The following CCDC85C variants were observed in gnomAD, a reference collection of about 807,000 sequenced individuals.
CCDC85C encodes coiled-coil domain-containing protein 85C.
A neutral mutation model predicts 38.3 loss-of-function variants in CCDC85C; 18 were observed. That is an observed-to-expected ratio of 0.47 (90% confidence interval 0.33 to 0.70). CCDC85C has a LOEUF of 0.70. Ranked by LOEUF, CCDC85C falls within the 30% of genes least tolerant of loss-of-function variation. The pLI is 0.03. For missense variants in CCDC85C, 566 were observed against 621.2 expected (o/e 0.91, Z 0.94); for synonymous variants, 264 against 293.8 (o/e 0.90, Z 1.04).
At position 99,513,590 on chromosome 14, in the gene CCDC85C, G is replaced by A. The variant is rs1382311203; in HGVS notation, c.*1656C>T. The stretch of plus-strand genomic sequence containing the variant: ...GGCAGCAAGAACTGCTCAGAATAGA[G>A]CCGCCAGCTAGGGAGAGGGACAGGG... On this transcript the variant is annotated 3_prime_UTR_variant, in exon 6 of 6. Coordinates refer to ENST00000380243, the MANE Select transcript of CCDC85C (RefSeq NM_001144995.2). 1 of 152,280 alleles carries A rather than the reference G, an allele frequency of 6.6e-6. No individual in the cohort carries two copies. The highest frequency in any genetic ancestry group is 2.4e-5 in the African/African-American group (1 of 41,452). The allele number at this position is 152,280 out of a possible 1,614,324, so 9.4% of individuals were successfully genotyped here. A position where few individuals can be genotyped will look rare whatever the true frequency, so the allele number is the denominator to read the frequency against.
chr14:99,598,242 C>G (rs925154550), intron 1 of CCDC85C, among the ~76,000 whole-genome samples: 1 of 152,228 alleles, frequency 6.6e-6, no homozygotes, highest in African/African-American at 2.4e-5. Context: ...AAACAGAGGC[C>G]CATGGAGGCT....
At chr14:99,574,766 C>T (rs1898436494) in intron 1 of CCDC85C, among the ~76,000 whole-genome samples, 2 of 152,336 alleles carry the variant, frequency 1.3e-5, no homozygotes, top group South Asian at 4.1e-4. Context: ...TGACCACTCA[C>T]AGCTATGACC....
At chr14:99,596,426 C>A (rs1043317657) in intron 1 of CCDC85C, among the ~76,000 whole-genome samples, 2 of 151,984 alleles carry the variant, frequency 1.3e-5, no homozygotes, top group Non-Finnish European at 2.9e-5. Context: ...ATGCTCCACG[C>A]CTCTGTTTGA....
intron 1 of CCDC85C, among the ~76,000 whole-genome samples, chr14:99,551,590 T>G: frequency 1.7e-5 from 2 of 117,802 alleles, no homozygotes; most frequent in African/African-American, 3.4e-5. Context: ...AGCAGGTGGG[T>G]GAGAGGTGAG....
chr14:99,541,273 G>T (rs1037852177), intron 1 of CCDC85C, among the ~76,000 whole-genome samples: 16 of 152,178 alleles, frequency 1.1e-4, no homozygotes, highest in Admixed American at 1.0e-3. Context: ...CCTCAGGAGC[G>T]CTCAGCCATG....
chr14:99,592,172 G>A (rs927490150), intron 1 of CCDC85C, among the ~76,000 whole-genome samples: 1 of 152,232 alleles, frequency 6.6e-6, no homozygotes, highest in Admixed American at 6.5e-5. Context: ...TAGCCCATGC[G>A]AAGGCAGGGT....
chr14:99,601,743 G>A (rs569468541), intron 1 of CCDC85C, among the ~76,000 whole-genome samples: 1 of 152,280 alleles, frequency 6.6e-6, no homozygotes, highest in East Asian at 1.9e-4. Flanking sequence ...GTGGGAGGTG[G>A]GGGTGGATAC....
chr14:99,516,312 G>T lies in CCDC85C; in HGVS notation c.1072-26C>A. On this transcript the variant is annotated intron_variant, in intron 4 of 5. Transcript: ENST00000380243. The surrounding 1 kb of genome is among the most constrained non-coding windows in gnomAD (Gnocchi z 5.5). Reference sequence around the variant, plus strand: ...CTGAAGGGAACGGGTCTCGGGGTCAGGGGCAGAGGCCACCGGCAGACCTCG... The same window carrying T: ...CTGAAGGGAACGGGTCTCGGGGTCATGGGCAGAGGCCACCGGCAGACCTCG... 6.6e-7 allele frequency: 1 copy of T among 1,516,888 alleles called. No homozygotes were observed. Among genetic ancestry groups the T allele is most frequent in the Non-Finnish European group, 9.0e-7 (1 of 1,116,400 alleles). The allele number at this position is 1,516,888 out of a possible 1,614,324, so 94.0% of individuals were successfully genotyped here.
intron 1 of CCDC85C, among the ~76,000 whole-genome samples, chr14:99,568,246 CTTTATTT>C (rs1204055160): frequency 1.7e-5 from 2 of 114,488 alleles, no homozygotes; most frequent in East Asian, 2.6e-4. Context: ...GCCACCTGCC[CTTTATTT>C]TTTTTTTTTT....
chr14:99,536,428 G>A (rs1455299240), intron 1 of CCDC85C, among the ~76,000 whole-genome samples: 2 of 152,164 alleles, frequency 1.3e-5, no homozygotes, highest in African/African-American at 4.8e-5. Flanking sequence ...GGCCTCGCCA[G>A]CCTGCCCTGG....
rs1458204728 is a variant in CCDC85C, at chr14:99,509,250, G to T, written c.*5996C>A. On this transcript the variant is annotated 3_prime_UTR_variant, in exon 6 of 6. Coordinates refer to ENST00000380243, the MANE Select transcript of CCDC85C (RefSeq NM_001144995.2). ...GTTGCTCCTGTGGTCTGTCTCCTGG[G>T]CTGCCTTGGGAAAGGACACTCATTC... The T allele has an allele frequency of 6.6e-6, 1 of 152,294 alleles. No individual in the cohort carries two copies. The highest frequency in any genetic ancestry group is 1.5e-5 in the Non-Finnish European group (1 of 68,086). The allele number at this position is 152,294 out of a possible 1,614,324, so 9.4% of individuals were successfully genotyped here.
intron 3 of CCDC85C, among the ~76,000 whole-genome samples, chr14:99,518,777 T>C (rs547000116): frequency 1.3e-5 from 2 of 152,318 alleles, no homozygotes; most frequent in South Asian, 4.1e-4. Context: ...CTGGGATTTC[T>C]GCAGCACAGG....
chr14:99,550,256 G>A (rs941333915), intron 1 of CCDC85C, among the ~76,000 whole-genome samples: 4 of 152,214 alleles, frequency 2.6e-5, no homozygotes, highest in African/African-American at 9.6e-5. Flanking sequence ...TTATCCAGGT[G>A]GGCCCAATCT....
At chr14:99,567,506 G>A (rs1898239940) in intron 1 of CCDC85C, among the ~76,000 whole-genome samples, 1 of 152,174 alleles carries the variant, frequency 6.6e-6, no homozygotes, top group South Asian at 2.1e-4. Context: ...GACAGCCAAG[G>A]TGCGGCAGAT....
In CCDC85C at chr14:99,596,371, A is replaced by G. The variant is rs552754178; in HGVS notation, c.793+6796T>C. Among the ~76,000 whole-genome samples the G allele has an allele frequency of 1.4e-4, 22 of 152,104 alleles. No individual in the cohort carries two copies. The East Asian group carries it at 4.2e-3, about 29-fold the overall frequency. On this transcript the variant is annotated intron_variant, in intron 1 of 5. Transcript: ENST00000380243. ...GAGGAATCAGGAAGAAGGAAAGGGA[A>G]TCAGACCCTCGCTTCCTCCCCAGGG...
At chr14:99,595,096 G>A (rs2055129127) in intron 1 of CCDC85C, among the ~76,000 whole-genome samples, 1 of 152,186 alleles carries the variant, frequency 6.6e-6, no homozygotes, top group Non-Finnish European at 1.5e-5. Flanking sequence ...CAGTAGAAGA[G>A]GCTTCAAAGA....
At chr14:99,517,257 C>G in intron 3 of CCDC85C, 74 bp from the exon 4 acceptor site, 2 of 1,212,620 alleles carry the variant, frequency 1.6e-6, no homozygotes. Flanking sequence ...TCAGACAAGG[C>G]CCCCATTCTG....
intron 1 of CCDC85C, among the ~76,000 whole-genome samples, chr14:99,566,687 C>A (rs530355798): frequency 6.6e-6 from 1 of 152,328 alleles, no homozygotes; most frequent in Admixed American, 6.5e-5. Context: ...ACCTGCTACC[C>A]TGAAAAGGCC....
chr14:99,579,503 T>C (rs79108464), intron 1 of CCDC85C, among the ~76,000 whole-genome samples: 6,219 of 152,306 alleles, frequency 0.041, 221 homozygotes, highest in East Asian at 0.15. Flanking sequence ...GCCCTGGTCC[T>C]TCTGCCCAGA....
Sources: gnomAD v4.1 joint callset for allele counts (sites outside exome capture counted in the v4.1 genomes callset) on GRCh38, gnomAD v4.1.1 for gene constraint, Gnocchi (gnomAD v3.1) non-coding constraint, MANE v1.5 for transcripts, NCBI Gene and HGNC (gene_info 2026-07-23, HGNC 2026-07-21) for gene names.